Variants in PARD3B observed in about 807,000 individuals in gnomAD.
PARD3B encodes par-3 family cell polarity regulator beta, also known as partitioning defective 3 homolog B.
PARD3B carries 103 observed loss-of-function variants against 130.2 expected under a neutral mutation model. The observed-to-expected ratio is 0.79, with a 90% CI of 0.67 to 0.93. The LOEUF is 0.93. Ranked by LOEUF, PARD3B falls within the 40% of genes least tolerant of loss-of-function variation. The pLI, the probability that PARD3B is intolerant of heterozygous loss-of-function variation, is 0.00. For missense variants in PARD3B, 1,609 were observed against 1,499.2 expected (o/e 1.07, Z -1.21); for synonymous variants, 583 against 553.2 (o/e 1.05, Z -0.76).
At position 205,591,117 on chromosome 2, in the gene PARD3B, C is replaced by T. The variant is rs1220958024; in HGVS notation, c.3261-24339C>T. Reference sequence around the variant, plus strand: ...ATAATCCCAAGTCTAAGTCATCCAGCATTTCTCAGAGAGGTGACATCAATG... The same window carrying T: ...ATAATCCCAAGTCTAAGTCATCCAGTATTTCTCAGAGAGGTGACATCAATG... On this transcript the variant is annotated intron_variant, in intron 22 of 22. Transcript: ENST00000406610. The surrounding 1 kb of genome is among the most constrained non-coding windows in gnomAD (Gnocchi z 4.2). Among the ~76,000 whole-genome samples the T allele has an allele frequency of 6.6e-6, 1 of 152,072 alleles. No individual in the cohort carries two copies. The highest frequency in any genetic ancestry group is 6.5e-5 in the Admixed American group (1 of 15,268).
At chr2:205,326,791 T>C (rs1304870706) in intron 18 of PARD3B, among the ~76,000 whole-genome samples, 1 of 152,182 alleles carries the variant, frequency 6.6e-6, no homozygotes, top group Non-Finnish European at 1.5e-5. Context: ...CCACCCAGTT[T>C]GGAAAAGGGC....
chr2:204,732,435 T>C (rs2039556091), intron 2 of PARD3B, among the ~76,000 whole-genome samples: 1 of 152,196 alleles, frequency 6.6e-6, no homozygotes, highest in Admixed American at 6.5e-5. Context: ...TGATAGAACA[T>C]TAATTTCTTA....
chr2:204,977,201 G>T (rs1692251174), intron 3 of PARD3B, among the ~76,000 whole-genome samples: 1 of 151,624 alleles, frequency 6.6e-6, no homozygotes, highest in African/African-American at 2.4e-5. Flanking sequence ...TTCATAGAAG[G>T]GTAATTGCTT....
intron 21 of PARD3B, among the ~76,000 whole-genome samples, chr2:205,512,279 G>A (rs1265871389): frequency 6.6e-6 from 1 of 152,088 alleles, no homozygotes; most frequent in East Asian, 1.9e-4. Flanking sequence ...TGCAAAAGTT[G>A]ATACCACTGA....
intron 18 of PARD3B, among the ~76,000 whole-genome samples, chr2:205,319,220 C>G (rs1230742039): frequency 1.3e-5 from 2 of 152,186 alleles, no homozygotes; most frequent in African/African-American, 2.4e-5. Context: ...AACCATGCCT[C>G]TTAAACAAAG....
chr2:204,977,738 G>GGAGGC (rs1692304942), intron 3 of PARD3B, among the ~76,000 whole-genome samples: 1 of 151,440 alleles, frequency 6.6e-6, no homozygotes, highest in Admixed American at 6.6e-5. Context: ...CGTGAGCCCG[G>GGAGGC]GAGGCGGAGC....
chr2:205,406,659 CTTTT>C (rs777517284), intron 19 of PARD3B, among the ~76,000 whole-genome samples: 4 of 87,466 alleles, frequency 4.6e-5, no homozygotes, highest in Non-Finnish European at 4.4e-5. Flanking sequence ...TCTTGTGTAT[CTTTT>C]TTTTTTTTTT....
chr2:204,653,309 T>G (rs2035543880), intron 1 of PARD3B, among the ~76,000 whole-genome samples: 1 of 150,552 alleles, frequency 6.6e-6, no homozygotes, highest in African/African-American at 2.5e-5. Flanking sequence ...CTAGCTATTA[T>G]GGAAAAAAGA....
chr2:204,665,469 C>G (rs1352250105), intron 1 of PARD3B, among the ~76,000 whole-genome samples: 1 of 152,128 alleles, frequency 6.6e-6, no homozygotes, highest in Non-Finnish European at 1.5e-5. Context: ...ATTCCTCAAC[C>G]AGTGGATGAA....
intron 2 of PARD3B, among the ~76,000 whole-genome samples, chr2:204,892,370 T>G (rs997248604): frequency 6.6e-6 from 1 of 152,116 alleles, no homozygotes; most frequent in Non-Finnish European, 1.5e-5. Context: ...TTGGAGTGAA[T>G]TGGGCACTCA....
intron 2 of PARD3B, among the ~76,000 whole-genome samples, chr2:204,749,738 C>T (rs967776452): frequency 2.0e-5 from 3 of 152,120 alleles, no homozygotes; most frequent in South Asian, 2.1e-4. Context: ...ACTGGGCTTG[C>T]GAAGATTCTA....
At chr2:205,052,142 A>G (rs1699232558) in intron 4 of PARD3B, among the ~76,000 whole-genome samples, 1 of 152,038 alleles carries the variant, frequency 6.6e-6, no homozygotes, top group African/African-American at 2.4e-5. Flanking sequence ...TTGCAATGGA[A>G]CAGAACTCTA....
chr2:204,656,937 G>T (rs1253061811), intron 1 of PARD3B, among the ~76,000 whole-genome samples: 3 of 152,120 alleles, frequency 2.0e-5, no homozygotes, highest in Non-Finnish European at 2.9e-5. Context: ...GTAATGTTCT[G>T]AAGTCACAAT....
chr2:205,518,705 G>A (rs926314802), intron 21 of PARD3B, among the ~76,000 whole-genome samples: 5 of 152,134 alleles, frequency 3.3e-5, no homozygotes, highest in Admixed American at 6.5e-5. Context: ...GTGTTTTTGT[G>A]TTAGCTGGTA....
intron 18 of PARD3B, among the ~76,000 whole-genome samples, chr2:205,323,826 C>A (rs1468197412): frequency 1.3e-5 from 2 of 152,200 alleles, no homozygotes; most frequent in South Asian, 2.1e-4. Context: ...ATGTCTACTG[C>A]AGAAGGGTGT....
chr2:205,363,743 CA>C (rs1300817477), intron 18 of PARD3B, among the ~76,000 whole-genome samples: 4 of 151,982 alleles, frequency 2.6e-5, no homozygotes, highest in African/African-American at 4.8e-5. Context: ...CAGCTCACTG[CA>C]ACCTCCGCCT....
rs1027582838 is a variant in PARD3B, at chr2:205,309,831, A to G, written c.2630+8130A>G. On this transcript the variant is annotated intron_variant, in intron 18 of 22. Transcript: ENST00000406610. This position sits in a 1 kb window ranked among gnomAD's most constrained non-coding sequence, Gnocchi z 4.7. ...CCAGGTTGTTGTAAAATTTAAGTTA[A>G]ACGGTTTAGGTAAGCAAAGCTGTCA... Among the ~76,000 whole-genome samples the G allele has an allele frequency of 9.2e-5, 14 of 152,202 alleles. No individual in the cohort carries two copies. The highest frequency in any genetic ancestry group is 2.9e-5 in the Non-Finnish European group (2 of 68,044).
chr2:204,763,273 G>A (rs2040989222), intron 2 of PARD3B, among the ~76,000 whole-genome samples: 1 of 152,188 alleles, frequency 6.6e-6, no homozygotes, highest in African/African-American at 2.4e-5. Flanking sequence ...AACAAAGGCA[G>A]TATATCTGCT....
intron 15 of PARD3B, among the ~76,000 whole-genome samples, chr2:205,238,278 G>A (rs2039158271): frequency 6.6e-6 from 1 of 152,094 alleles, no homozygotes; most frequent in Admixed American, 6.6e-5. Flanking sequence ...CTTAGATTTT[G>A]TACCTAAGTA....
Sources: gnomAD v4.1 joint callset for allele counts (sites outside exome capture counted in the v4.1 genomes callset) on GRCh38, gnomAD v4.1.1 for gene constraint, Gnocchi (gnomAD v3.1) non-coding constraint, MANE v1.5 for transcripts, NCBI Gene and HGNC (gene_info 2026-07-23, HGNC 2026-07-21) for gene names.